Variants in TMPRSS6 observed in about 807,000 individuals in gnomAD.
TMPRSS6 encodes the protein transmembrane serine protease 6, also known as transmembrane protease serine 6.
A neutral mutation model predicts 101.5 loss-of-function variants in TMPRSS6; 67 were observed. The observed-to-expected ratio is 0.66, with a 90% CI of 0.54 to 0.81. The LOEUF (loss-of-function observed/expected upper bound fraction) is 0.81. Among genes scored for constraint, TMPRSS6 ranks in the 30% least tolerant of loss-of-function variants. TMPRSS6 has a pLI of 0.00. For synonymous variants in TMPRSS6, 453 were observed against 464.9 expected (o/e 0.97, Z 0.33); for missense variants, 1,034 against 1,088.7 (o/e 0.95, Z 0.71).
Position 37,089,607 on chromosome 22 carries a change from G to GGCC in TMPRSS6, c.804_806dup (p.Ala269dup), listed in dbSNP as rs753568971. On this transcript the variant is annotated inframe_insertion, in exon 7 of 18. Coordinates refer to ENST00000676104, the MANE Select transcript of TMPRSS6 (RefSeq NM_001374504.1). ...TGATGAGCCTCTTCTCCAGGGGCCC[G>GGCC]GCCACGTCATACATGGCCAGTCGGT... 9.6e-5 allele frequency: 137 copies of GGCC among 1,431,392 alleles called. No homozygotes were observed. Among genetic ancestry groups the GGCC allele is most frequent in the Non-Finnish European group, 1.2e-4 (133 of 1,067,734 alleles). The allele number at this position is 1,431,392 out of a possible 1,614,324, so 88.7% of individuals were successfully genotyped here.
Position 37,103,792 on chromosome 22 carries a change from T to G in TMPRSS6, c.-1-374A>C. ...TGGGGTGCAGACTTCTGTAGACATC[T>G]GACCTCTTGCCCTCATTTCCCGTCC... On this transcript the variant is annotated intron_variant, in intron 1 of 17. Coordinates refer to ENST00000676104, the MANE Select transcript of TMPRSS6 (RefSeq NM_001374504.1). This position sits in a 1 kb window ranked among gnomAD's most constrained non-coding sequence, Gnocchi z 4.4. 1 of 599,336 alleles carries G rather than the reference T, an allele frequency of 1.7e-6. No individual in the cohort carries two copies. The highest frequency in any genetic ancestry group is 2.9e-5 in the East Asian group (1 of 35,086). The allele number at this position is 599,336 out of a possible 1,614,324, so 37.1% of individuals were successfully genotyped here.
intron 16 of TMPRSS6, 102 bp downstream of exon 16, chr22:37,068,971 G>A: frequency 6.7e-7 from 1 of 1,487,982 alleles, no homozygotes; most frequent in East Asian, 2.5e-5. Flanking sequence ...CCTATGGGGT[G>A]GAGCCCCGGG....
chr22:37,067,892 G>GGCCCTGTCTGCCATT (rs1926480536), intron 16 of TMPRSS6, among the ~76,000 whole-genome samples: 1 of 151,830 alleles, frequency 6.6e-6, no homozygotes, highest in East Asian at 1.9e-4. Context: ...CCTCGCCCAG[G>GGCCCTGTCTGCCATT]CACGCCTGCC....
Position 37,066,098 on chromosome 22 carries a change from G to C in TMPRSS6, c.2391C>G (p.Ile797Met), listed in dbSNP as rs1926251026. The C allele has an allele frequency of 6.2e-7, 1 of 1,613,482 alleles. No individual in the cohort carries two copies. Among genetic ancestry groups the C allele is most frequent in the Non-Finnish European group, 8.5e-7 (1 of 1,180,024 alleles). Residue 797 changes from isoleucine to methionine, a missense_variant, in exon 18 of 18, where the codon ATC becomes ATG. Transcript: ENST00000676104. ...YTRITGVISW[I>M]QQVVT Reference sequence around the variant, plus strand: ...CAGTTCCTCAGGTCACCACTTGCTGGATCCAGCTGATCACACCTGTGATGC... The same window carrying C: ...CAGTTCCTCAGGTCACCACTTGCTGCATCCAGCTGATCACACCTGTGATGC...
Position 37,089,686 on chromosome 22 carries a change from G to A in TMPRSS6, c.728C>T (p.Pro243Leu). The A allele has an allele frequency of 1.9e-6, 3 of 1,612,098 alleles. No homozygotes were observed. The highest frequency in any genetic ancestry group is 2.5e-6 in the Non-Finnish European group (3 of 1,179,240). Residue 243 changes from proline (P) to leucine (L), a missense_variant, in exon 7 of 18, where the codon CCC (proline) becomes CTC (leucine). Transcript: ENST00000676104. ...CCGGAGTTTGAGCATGAGGTCCTTG[G>A]GGCCCTGCAGGTGCCACAGGCAGCT... ...ASSCLWHLQG[P>L]KDLMLKLRLE...
At chr22:37,110,023 A>T (rs1390019867), upstream of TMPRSS6, among the ~76,000 whole-genome samples, 2 of 151,956 alleles carry the variant, frequency 1.3e-5, no homozygotes, top group Non-Finnish European at 2.9e-5. Flanking sequence ...TGAGAGAGAG[A>T]AAAGGAGGCT....
At chr22:37,096,854 T>C in intron 3 of TMPRSS6, 139 bp from the exon 4 acceptor site, 3 of 854,544 alleles carry the variant, frequency 3.5e-6, no homozygotes, top group Non-Finnish European at 5.8e-6. Context: ...TTGATCACGG[T>C]CACACAGTGC....
chr22:37,095,211 G>A (rs1929638487), intron 6 of TMPRSS6, among the ~76,000 whole-genome samples: 1 of 152,164 alleles, frequency 6.6e-6, no homozygotes, highest in Admixed American at 6.5e-5. Context: ...TACCATCAGT[G>A]GAAACTAGCT....
At chr22:37,073,839 G>A (rs1040161474) in intron 12 of TMPRSS6, among the ~76,000 whole-genome samples, 194 bp from the exon 13 acceptor site, 2 of 152,162 alleles carry the variant, frequency 1.3e-5, no homozygotes, top group Non-Finnish European at 2.9e-5. Context: ...CAACCTCCCA[G>A]GTCCAAGCGA....
chr22:37,081,299 G>A lies in TMPRSS6; in HGVS notation c.1196+2996C>T, dbSNP rs374620168. On this transcript the variant is annotated intron_variant, in intron 10 of 17. Transcript: ENST00000676104. The stretch of plus-strand genomic sequence containing the variant: ...TTCCCAGGGTGGGGGTCTCTTTCAC[G>A]CCCTTTTTTCAGATGAGTTACCTGA... Among the ~76,000 whole-genome samples the A allele has an allele frequency of 3.3e-5, 5 of 152,176 alleles. No homozygotes were observed. In the East Asian group the frequency reaches 9.6e-4, roughly 29 times the overall value.
At chr22:37,088,251 T>C (rs1479366042) in intron 7 of TMPRSS6, among the ~76,000 whole-genome samples, 1 of 151,540 alleles carries the variant, frequency 6.6e-6, no homozygotes, top group Admixed American at 6.6e-5. Flanking sequence ...CAGATCGAGG[T>C]CACACCCAGC....
intron 2 of TMPRSS6, among the ~76,000 whole-genome samples, chr22:37,099,178 A>G (rs1178558454): frequency 6.6e-6 from 1 of 152,164 alleles, no homozygotes; most frequent in African/African-American, 2.4e-5. Context: ...TCCAGCTGAG[A>G]TGTAGGGATG....
At chr22:37,098,762 C>G (rs1352310631) in intron 2 of TMPRSS6, among the ~76,000 whole-genome samples, 1 of 152,108 alleles carries the variant, frequency 6.6e-6, no homozygotes, top group Non-Finnish European at 1.5e-5. Flanking sequence ...CTGCAAGGTA[C>G]CAGGGAGGTG....
chr22:37,067,242 G>A (rs187583287), intron 16 of TMPRSS6, among the ~76,000 whole-genome samples: 10 of 152,050 alleles, frequency 6.6e-5, no homozygotes, highest in African/African-American at 1.5e-4. Context: ...AGGCTGAGGC[G>A]GACGGAACAC....
intron 16 of TMPRSS6, chr22:37,068,763 C>A: frequency 1.3e-6 from 1 of 753,140 alleles, no homozygotes; most frequent in Non-Finnish European, 2.5e-6. Context: ...GAGCCTTCCA[C>A]CCTTGCAGCC....
At chr22:37,094,849 G>C (rs1172509088) in intron 6 of TMPRSS6, among the ~76,000 whole-genome samples, 1 of 152,176 alleles carries the variant, frequency 6.6e-6, no homozygotes, top group African/African-American at 2.4e-5. Flanking sequence ...CTTGGCTCTG[G>C]GTGACAACAC....
rs745395199 is a variant in TMPRSS6, at chr22:37,089,786, G to T, written c.632-4C>A. The T allele has an allele frequency of 6.2e-7, 1 of 1,610,764 alleles. No individual in the cohort carries two copies. The highest frequency in any genetic ancestry group is 8.5e-7 in the Non-Finnish European group (1 of 1,179,230). ...ACGTAGCTGTAGCGGTAACAACCTG[G>T]AGCGGGGAGAGGGGCACAGCCCCTG... On this transcript the variant is annotated splice_polypyrimidine_tract_variant and splice_region_variant and intron_variant, in intron 6 of 17. Coordinates refer to ENST00000676104, the MANE Select transcript of TMPRSS6 (RefSeq NM_001374504.1).
intron 6 of TMPRSS6, among the ~76,000 whole-genome samples, chr22:37,090,774 G>C (rs1929191425): frequency 6.6e-6 from 1 of 151,472 alleles, no homozygotes; most frequent in Non-Finnish European, 1.5e-5. Flanking sequence ...AGAGGCTGTA[G>C]GATGATACAC....
rs1208016121 is a variant in TMPRSS6 at position 37,089,796 on chromosome 22, A to T, written c.632-14T>A. ...AGCGGTAACAACCTGGAGCGGGGAG[A>T]GGGGCACAGCCCCTGATTCCTGTGA... is the stretch of plus-strand genomic sequence containing the variant. On this transcript the variant is annotated splice_polypyrimidine_tract_variant and intron_variant, in intron 6 of 17. Transcript: ENST00000676104. 1 of 1,608,746 alleles carries T rather than the reference A, an allele frequency of 6.2e-7. No individual in the cohort carries two copies. The highest frequency in any genetic ancestry group is 2.2e-5 in the East Asian group (1 of 44,782).
Sources: gnomAD v4.1 joint callset for allele counts (sites outside exome capture counted in the v4.1 genomes callset) on GRCh38, gnomAD v4.1.1 for gene constraint, Gnocchi (gnomAD v3.1) non-coding constraint, MANE v1.5 for transcripts, NCBI Gene and HGNC (gene_info 2026-07-23, HGNC 2026-07-21) for gene names.